SUN5: variants seen among roughly 807,000 people sequenced by gnomAD.
SUN5 encodes the protein SUN domain-containing protein 5.
SUN5 carries 44 observed loss-of-function variants against 53.7 expected under a neutral mutation model. The ratio of observed to expected loss-of-function variants is 0.82; its 90% CI spans 0.64 to 1.05. The LOEUF (loss-of-function observed/expected upper bound fraction) is 1.05, where lower values mean the gene tolerates loss of function less well. Ranked by LOEUF, SUN5 falls within the 50% of genes least tolerant of loss-of-function variation. The pLI is 0.00. For synonymous variants in SUN5, 166 were observed against 179.8 expected (o/e 0.92, Z 0.62); for missense variants, 433 against 483.8 (o/e 0.90, Z 0.98).
chr20:33,001,064 G>A (rs992536383), intron 4 of SUN5, 148 bp downstream of exon 4: 2 of 821,998 alleles, frequency 2.4e-6, no homozygotes, highest in Admixed American at 2.2e-5. Flanking sequence ...GTGGGTTCTG[G>A]GGTGGGAGTG....
intron 5 of SUN5, among the ~76,000 whole-genome samples, chr20:32,998,194 AAAAAATAC>A: frequency 6.7e-6 from 1 of 150,294 alleles, no homozygotes; most frequent in African/African-American, 2.5e-5. Context: ...AAAAAAAAAA[AAAAAATAC>A]AAAAATTAGC....
rs142180786 is a variant in SUN5, at chr20:33,002,610, G to A, written c.188C>T (p.Thr63Ile). 3.0e-5 allele frequency: 48 copies of A among 1,614,118 alleles called. No homozygotes were observed. Among genetic ancestry groups the A allele is most frequent in the Admixed American group, 1.0e-4 (6 of 60,012 alleles). Reference protein sequence around the residue: ...VRNNDQALGLTQCMLGCVSWF... With the variant: ...VRNNDQALGLIQCMLGCVSWF... Reference sequence around the variant, plus strand: ...ACACACACATCCCAGCATGCACTGAGTCAGGCCTAGGGCTTGGTCATTGTT... The same window carrying A: ...ACACACACATCCCAGCATGCACTGAATCAGGCCTAGGGCTTGGTCATTGTT... Residue 63 changes from threonine to isoleucine, a missense_variant, in exon 3 of 13, where the codon ACT (threonine) becomes ATT (isoleucine). By Grantham distance (89) the Thr-to-Ile change is moderately conservative. Coordinates refer to ENST00000356173, the MANE Select transcript of SUN5 (RefSeq NM_080675.4).
chr20:33,003,489 C>T (rs916145325), intron 1 of SUN5, among the ~76,000 whole-genome samples: 3 of 152,130 alleles, frequency 2.0e-5, no homozygotes, highest in Admixed American at 6.5e-5. Flanking sequence ...AGAATGATGA[C>T]AGGAACCTGG....
chr20:32,990,802 A>T (rs544984542), intron 8 of SUN5, among the ~76,000 whole-genome samples: 1 of 152,300 alleles, frequency 6.6e-6, no homozygotes, highest in East Asian at 1.9e-4. Flanking sequence ...GATACCATGG[A>T]ACACAGACAA....
chr20:32,993,165 T>C (rs1261806833), intron 8 of SUN5, among the ~76,000 whole-genome samples: 3 of 152,238 alleles, frequency 2.0e-5, no homozygotes, highest in African/African-American at 7.2e-5. Flanking sequence ...AATGCTGCTG[T>C]GGGAAATCAC....
At chr20:33,001,501 C>G (rs1990008921) in intron 3 of SUN5, among the ~76,000 whole-genome samples, 1 of 41,548 alleles carries the variant, frequency 2.4e-5, no homozygotes. Context: ...TGGCAGTTAA[C>G]AGACATTTTC....
rs1555876550 is a variant in SUN5 at position 33,001,665 on chromosome 20, C to CCCTCCCTT, written c.212-388_212-387insAAGGGAGG. 7.1e-4 allele frequency among the ~76,000 whole-genome samples: 78 copies of CCCTCCCTT among 109,466 alleles called. 2 individuals are homozygous for CCCTCCCTT. In the South Asian group the frequency reaches 0.011, roughly 16 times the overall value. 71.8% of individuals were successfully genotyped at this position (109,466 alleles called of 152,430 possible). On this transcript the variant is annotated intron_variant, in intron 3 of 12. Transcript: ENST00000356173. ...TTCCTCCCTCCCTCCCTCCCTCCCT[C>CCCTCCCTT]CCTTCCTTCCTTCTTTCCTTTTTGA... is the stretch of plus-strand genomic sequence containing the variant.
intron 9 of SUN5, 111 bp from the exon 10 acceptor site, chr20:32,987,886 G>T: frequency 1.4e-6 from 1 of 723,070 alleles, no homozygotes; most frequent in Non-Finnish European, 2.4e-6. Flanking sequence ...ATGAGTCACT[G>T]GCCCTGTTCT....
rs1270915081 is a variant in SUN5 at position 32,989,544 on chromosome 20, A to G, written c.613+76T>C. On this transcript the variant is annotated intron_variant, in intron 9 of 12. Coordinates refer to ENST00000356173, the MANE Select transcript of SUN5 (RefSeq NM_080675.4). ...CCAGCGGCAGAGGGAGTACCACACC[A>G]GAACTGAAACCCACCCTGTGTACAG... 3 of 1,305,820 alleles carry G rather than the reference A, an allele frequency of 2.3e-6. No homozygotes were observed. In the African/African-American group the frequency reaches 4.4e-5, roughly 19 times the overall value. 80.9% of individuals were successfully genotyped at this position (1,305,820 alleles called of 1,614,324 possible).
Position 33,004,395 on chromosome 20 carries a change from GA to G in SUN5, c.-56del. The G allele has an allele frequency of 6.6e-7, 1 of 1,512,916 alleles. No individual in the cohort carries two copies. Among genetic ancestry groups the G allele is most frequent in the East Asian group, 2.5e-5 (1 of 39,462 alleles). The allele number at this position is 1,512,916 out of a possible 1,614,324, so 93.7% of individuals were successfully genotyped here. A position where few individuals can be genotyped will look rare whatever the true frequency, so the allele number is the denominator to read the frequency against. The stretch of plus-strand genomic sequence containing the variant: ...GATGGGAACTCTGGGAGCTGGTGAG[GA>G]GGAAGGGGCTGATGCCTCTGAATGT... On this transcript the variant is annotated 5_prime_UTR_variant, in exon 1 of 13. Transcript: ENST00000356173.
At chr20:32,991,043 A>C (rs746738989) in intron 8 of SUN5, among the ~76,000 whole-genome samples, 6 of 152,182 alleles carry the variant, frequency 3.9e-5, no homozygotes, top group South Asian at 2.1e-4. Flanking sequence ...AAGGCAAAAA[A>C]ATCCCCAACT....
chr20:33,001,519 C>CTTTCTTTCTTTCTTTCTCTCTTTCT (rs68051515), intron 3 of SUN5, among the ~76,000 whole-genome samples: 1 of 121,324 alleles, frequency 8.2e-6, no homozygotes, highest in African/African-American at 3.5e-5. Context: ...TTCTTTCTTT[C>CTTTCTTTCTTTCTTTCTCTCTTTCT]TTCTTTCTTT....
Position 32,987,652 on chromosome 20 carries a change from C to G in SUN5, c.729+8G>C, listed in dbSNP as rs371039244. ...TGCCGCTGTCCCATCTCCCGCCATC[C>G]CCCCTGCCTCAAGGATCACGTCTGG... On this transcript the variant is annotated splice_region_variant and intron_variant, in intron 10 of 12. Transcript: ENST00000356173. 1.9e-4 allele frequency: 309 copies of G among 1,594,556 alleles called. No homozygotes were observed. Among genetic ancestry groups the G allele is most frequent in the Non-Finnish European group, 2.5e-4 (288 of 1,169,926 alleles).
rs911668957 is a variant in SUN5, at chr20:32,989,167, T to C, written c.613+453A>G. 7.9e-5 allele frequency among the ~76,000 whole-genome samples: 12 copies of C among 151,342 alleles called. No individual in the cohort carries two copies. The East Asian group carries it at 1.4e-3, about 17-fold the overall frequency. On this transcript the variant is annotated intron_variant, in intron 9 of 12. Transcript: ENST00000356173. ...GTCTCGATCTCCTGACCTCGTGATC[T>C]GCCCGCCTTGGCCTCCCAAAGTGCT... is the stretch of plus-strand genomic sequence containing the variant.
At chr20:32,991,245 T>C (rs775997203) in intron 8 of SUN5, among the ~76,000 whole-genome samples, 1 of 152,232 alleles carries the variant, frequency 6.6e-6, no homozygotes, top group Non-Finnish European at 1.5e-5. Flanking sequence ...TCCCCGATCC[T>C]GGATCCCCAG....
rs144658866 is a variant in SUN5, at chr20:32,985,213, G to A, written c.898-28C>T. ...GTGGAACCAGAACCAAGGTGAAGGC[G>A]TCAGATACAAGCAGGGCCCTCAGAG... On this transcript the variant is annotated intron_variant, in intron 11 of 12. Coordinates refer to ENST00000356173, the MANE Select transcript of SUN5 (RefSeq NM_080675.4). 1,860 of 1,608,254 alleles carry A rather than the reference G, an allele frequency of 1.2e-3. 12 individuals carry two copies. The East Asian group carries it at 0.019, about 16-fold the overall frequency.
At chr20:32,984,776 C>T (rs931706299) in intron 12 of SUN5, among the ~76,000 whole-genome samples, 1 of 152,246 alleles carries the variant, frequency 6.6e-6, no homozygotes, top group African/African-American at 2.4e-5. Flanking sequence ...TACGGAGACT[C>T]TACCTTTGGA....
Position 33,000,087 on chromosome 20 carries a change from G to A in SUN5, c.327C>T (p.Leu109=). The A allele has an allele frequency of 6.2e-7, 1 of 1,609,330 alleles. No homozygotes were observed. Among genetic ancestry groups the A allele is most frequent in the African/African-American group, 1.3e-5 (1 of 75,022 alleles). ...QKLMEKTGIL[L]LCAFGFWMFS... ...CCTGGGACACACCGAAAGCACAGAG[G>A]AGCAGAATGCCTGTCTTCTCCATGA... Residue 109 remains leucine (L), a synonymous_variant, in exon 5 of 13, where the codon CTC becomes CTT. Coordinates refer to ENST00000356173, the MANE Select transcript of SUN5 (RefSeq NM_080675.4).
intron 12 of SUN5, among the ~76,000 whole-genome samples, chr20:32,984,507 C>A (rs1171944591): frequency 6.6e-6 from 1 of 152,196 alleles, no homozygotes; most frequent in Non-Finnish European, 1.5e-5. Context: ...TGTTTTCAAC[C>A]TCCCAGGGAA....
Sources: allele counts gnomAD v4.1 joint callset (sites outside exome capture counted in the v4.1 genomes callset), GRCh38; gene constraint gnomAD v4.1.1; transcripts MANE v1.5; gene names NCBI Gene and HGNC (gene_info 2026-07-23, HGNC 2026-07-21).